The following TANGO6 variants were observed in gnomAD, a reference collection of about 807,000 sequenced individuals.
The protein encoded by TANGO6 is transport and Golgi organization protein 6 homolog.
In TANGO6, 90 loss-of-function variants were observed where a neutral mutation model predicts 114.2. The observed-to-expected ratio is 0.79, with a 90% CI of 0.66 to 0.94. The LOEUF is 0.94. Among genes scored for constraint, TANGO6 ranks in the 40% least tolerant of loss-of-function variants. The pLI, the probability that TANGO6 is intolerant of heterozygous loss-of-function variation, is 0.00. For synonymous variants in TANGO6, 477 were observed against 509.8 expected (o/e 0.94, Z 0.87); for missense variants, 1,274 against 1,315.3 (o/e 0.97, Z 0.49).
intron 15 of TANGO6, among the ~76,000 whole-genome samples, chr16:68,979,213 C>A (rs569788257): frequency 2.0e-5 from 3 of 151,826 alleles, no homozygotes; most frequent in African/African-American, 7.3e-5. Flanking sequence ...AACCACAGCA[C>A]CCAGCCTGAA....
In TANGO6 at chr16:69,083,701, G is replaced by A. The variant is rs1960500166; in HGVS notation, c.*40G>A. ...ACGTGGAGGAGGCAGGCAGGGCCAG[G>A]CACCCAGAGCCGTGCCCAGGTCTTC... On this transcript the variant is annotated 3_prime_UTR_variant, in exon 18 of 18. Coordinates refer to ENST00000261778, the MANE Select transcript of TANGO6 (RefSeq NM_024562.2). 6.5e-7 allele frequency: 1 copy of A among 1,537,486 alleles called. No homozygotes were observed. Among genetic ancestry groups the A allele is most frequent in the Non-Finnish European group, 8.8e-7 (1 of 1,139,442 alleles).
chr16:68,943,833 TA>T (rs1241774842), intron 14 of TANGO6, among the ~76,000 whole-genome samples: 3 of 152,230 alleles, frequency 2.0e-5, no homozygotes, highest in Non-Finnish European at 4.4e-5. Flanking sequence ...TAATATTTTT[TA>T]AAATATCTGC....
chr16:69,019,522 C>T (rs778332680), intron 15 of TANGO6, among the ~76,000 whole-genome samples: 31 of 151,948 alleles, frequency 2.0e-4, no homozygotes, highest in African/African-American at 7.3e-4. Flanking sequence ...AAAACAAAAA[C>T]GAAAAAAAAC....
chr16:69,061,256 C>A (rs1400789432), intron 17 of TANGO6, among the ~76,000 whole-genome samples: 1 of 152,106 alleles, frequency 6.6e-6, no homozygotes, highest in Non-Finnish European at 1.5e-5. Flanking sequence ...CGGCTAGAAT[C>A]ACTCTGCTTT....
At chr16:68,966,338 T>C (rs993456131) in intron 14 of TANGO6, among the ~76,000 whole-genome samples, 5 of 151,984 alleles carry the variant, frequency 3.3e-5, no homozygotes, top group Non-Finnish European at 7.4e-5. Flanking sequence ...ACCCCATCTC[T>C]ACTAAAATAC....
intron 11 of TANGO6, 149 bp downstream of exon 11, chr16:68,909,551 A>G (rs1347162124): frequency 2.4e-5 from 16 of 661,432 alleles, no homozygotes; most frequent in Admixed American, 1.7e-4. Context: ...CACAGCCCAC[A>G]CCAGGCCACT....
intron 10 of TANGO6, 68 bp downstream of exon 10, chr16:68,907,643 C>T (rs1597014791): frequency 6.8e-7 from 1 of 1,475,202 alleles, no homozygotes; most frequent in East Asian, 2.4e-5. Context: ...TTAGAATTTT[C>T]AAAGCATTTA....
chr16:68,954,952 A>G (rs747993415), intron 14 of TANGO6, among the ~76,000 whole-genome samples: 25 of 152,158 alleles, frequency 1.6e-4, no homozygotes, highest in Non-Finnish European at 3.1e-4. Context: ...TTGATTTTAT[A>G]ATAAGAAGAG....
intron 2 of TANGO6, 39 bp from the exon 3 acceptor site, chr16:68,862,906 G>A (rs1023656020): frequency 3.8e-5 from 52 of 1,379,386 alleles, no homozygotes; most frequent in Non-Finnish European, 5.1e-5. Context: ...TGTCTGCCTG[G>A]TTTGAATTCC....
chr16:69,063,600 C>T (rs1181677458), intron 17 of TANGO6, among the ~76,000 whole-genome samples: 2 of 127,216 alleles, frequency 1.6e-5, no homozygotes, highest in Non-Finnish European at 3.1e-5. Context: ...GCTGGAGAAT[C>T]GCTTGAACCT....
intron 11 of TANGO6, among the ~76,000 whole-genome samples, chr16:68,914,049 G>C (rs567920609): frequency 5.8e-4 from 88 of 152,296 alleles, no homozygotes; most frequent in East Asian, 1.9e-4. Flanking sequence ...TTCCACTCAG[G>C]TGTCAGAGTC....
intron 16 of TANGO6, among the ~76,000 whole-genome samples, chr16:69,033,390 G>A (rs1567562544): frequency 6.6e-6 from 1 of 152,150 alleles, no homozygotes; most frequent in Non-Finnish European, 1.5e-5. Flanking sequence ...TATGCTAGAA[G>A]ACACAAATAA....
intron 11 of TANGO6, 67 bp from the exon 12 acceptor site, chr16:68,919,018 G>C: frequency 6.5e-7 from 1 of 1,527,690 alleles, no homozygotes; most frequent in African/African-American, 1.4e-5. Flanking sequence ...GTAGACATAA[G>C]ATGTAAGGAG....
chr16:68,876,884 A>C (rs952399171), intron 5 of TANGO6, among the ~76,000 whole-genome samples: 2 of 152,188 alleles, frequency 1.3e-5, no homozygotes, highest in Non-Finnish European at 2.9e-5. Context: ...TCATGGGTAC[A>C]TGGTATTTCA....
At chr16:68,974,233 T>G in intron 15 of TANGO6, 65 bp downstream of exon 15, 1 of 1,592,622 alleles carries the variant, frequency 6.3e-7, no homozygotes, top group Non-Finnish European at 8.6e-7. Flanking sequence ...GAAACCAAAA[T>G]GTGTGTACCT....
chr16:69,018,139 CTTTTT>C (rs34796579), intron 15 of TANGO6, among the ~76,000 whole-genome samples: 1 of 77,076 alleles, frequency 1.3e-5, no homozygotes, highest in African/African-American at 4.7e-5. Context: ...TTGGAAATCT[CTTTTT>C]TTTTTTTTTT....
At chr16:68,869,723 T>A (rs1019195347) in intron 4 of TANGO6, among the ~76,000 whole-genome samples, 7 of 152,174 alleles carry the variant, frequency 4.6e-5, no homozygotes, top group Admixed American at 1.3e-4. Flanking sequence ...ACCACAAACT[T>A]AGTGGCTTTT....
intron 14 of TANGO6, among the ~76,000 whole-genome samples, chr16:68,934,869 G>A (rs550239204): frequency 6.6e-6 from 1 of 152,188 alleles, no homozygotes; most frequent in East Asian, 1.9e-4. Flanking sequence ...AGCCTCTAGG[G>A]CCTGCTATCA....
chr16:69,054,957 A>C (rs984101818), intron 17 of TANGO6, among the ~76,000 whole-genome samples: 1 of 151,682 alleles, frequency 6.6e-6, no homozygotes, highest in Admixed American at 6.6e-5. Flanking sequence ...AAAAAAAAAA[A>C]AAAAAAACTT....
Sources: gnomAD v4.1 joint callset for allele counts (sites outside exome capture counted in the v4.1 genomes callset) on GRCh38, gnomAD v4.1.1 for gene constraint, MANE v1.5 for transcripts, NCBI Gene and HGNC (gene_info 2026-07-23, HGNC 2026-07-21) for gene names.